Variants in HSD17B6 observed in about 807,000 individuals in gnomAD.
The protein encoded by HSD17B6 is hydroxysteroid 17-beta dehydrogenase 6.
HSD17B6 carries 16 observed loss-of-function variants against 26.4 expected under a neutral mutation model. The observed-to-expected ratio is 0.61, with a 90% CI of 0.41 to 0.92. HSD17B6 has a LOEUF of 0.92. HSD17B6 is among the 40% of genes least tolerant of loss of function. The pLI, the probability that HSD17B6 is intolerant of heterozygous loss-of-function variation, is 0.00. For missense variants in HSD17B6, 357 were observed against 386.1 expected (o/e 0.92, Z 0.63); for synonymous variants, 139 against 153.0 (o/e 0.91, Z 0.68).
At chr12:56,779,287 A>G (rs971139358) in intron 2 of HSD17B6, among the ~76,000 whole-genome samples, 1 of 152,028 alleles carries the variant, frequency 6.6e-6, no homozygotes, top group Non-Finnish European at 1.5e-5. Flanking sequence ...GGTGTGCACC[A>G]CCACACTTAG....
intron 3 of HSD17B6, among the ~76,000 whole-genome samples, chr12:56,784,425 G>A (rs868593101): frequency 6.6e-6 from 1 of 152,210 alleles, no homozygotes; most frequent in African/African-American, 2.4e-5. Context: ...CTGCAATCCC[G>A]GCACCTTGGG....
At chr12:56,766,430 G>T (rs564825488) in intron 1 of HSD17B6, among the ~76,000 whole-genome samples, 1 of 152,136 alleles carries the variant, frequency 6.6e-6, no homozygotes, top group South Asian at 2.1e-4. Flanking sequence ...GAAATGCCCT[G>T]GTTCCCAATC....
At chr12:56,782,585 C>T (rs1243124668) in intron 3 of HSD17B6, among the ~76,000 whole-genome samples, 1 of 152,110 alleles carries the variant, frequency 6.6e-6, no homozygotes, top group African/African-American at 2.4e-5. Context: ...CCTCAACCTC[C>T]TGGGCTCAAA....
At chr12:56,779,261 A>C (rs1954660616) in intron 2 of HSD17B6, among the ~76,000 whole-genome samples, 1 of 152,046 alleles carries the variant, frequency 6.6e-6, no homozygotes, top group African/African-American at 2.4e-5. Context: ...CAGCCTCCTG[A>C]GTATCTAGGA....
At chr12:56,781,511 T>G (rs1954712930) in intron 2 of HSD17B6, among the ~76,000 whole-genome samples, 1 of 152,222 alleles carries the variant, frequency 6.6e-6, no homozygotes, top group Admixed American at 6.5e-5. Flanking sequence ...ATTTAAAAAT[T>G]ATATTTAGCA....
Position 56,769,076 on chromosome 12 carries a change from C to T in HSD17B6, c.-19-4758C>T, listed in dbSNP as rs1954410098. Among the ~76,000 whole-genome samples, 3 of 147,236 alleles carry T rather than the reference C, an allele frequency of 2.0e-5. No homozygotes were observed. The South Asian group carries it at 6.5e-4, about 32-fold the overall frequency. ...GCCCCAAAGATAGGATGGGGCTGTGCAGAGAGGGCAGTTTCAGCTTTTCAA... is the reference window on the plus strand; with the variant it reads ...GCCCCAAAGATAGGATGGGGCTGTGTAGAGAGGGCAGTTTCAGCTTTTCAA... On this transcript the variant is annotated intron_variant, in intron 1 of 4. Coordinates refer to ENST00000322165, the MANE Select transcript of HSD17B6 (RefSeq NM_003725.4).
chr12:56,782,852 C>T (rs1954756373), intron 3 of HSD17B6, among the ~76,000 whole-genome samples: 1 of 151,938 alleles, frequency 6.6e-6, no homozygotes, highest in Non-Finnish European at 1.5e-5. Context: ...TCTTAACGAG[C>T]ATGCTGCCTT....
At chr12:56,779,483 TTTTA>T (rs1182870052) in intron 2 of HSD17B6, among the ~76,000 whole-genome samples, 1 of 152,172 alleles carries the variant, frequency 6.6e-6, no homozygotes, top group Non-Finnish European at 1.5e-5. Flanking sequence ...ATTTTGTGCT[TTTTA>T]TTTGTCCCAT....
In HSD17B6 at chr12:56,787,426, C is replaced by A; in HGVS notation, c.*84C>A. 1.2e-6 allele frequency: 1 copy of A among 835,524 alleles called. No individual in the cohort carries two copies. Among genetic ancestry groups the A allele is most frequent in the South Asian group, 1.7e-5 (1 of 59,266 alleles). 51.8% of individuals were successfully genotyped at this position (835,524 alleles called of 1,614,324 possible). A position where few individuals can be genotyped will look rare whatever the true frequency, so the allele number is the denominator to read the frequency against. On this transcript the variant is annotated 3_prime_UTR_variant, in exon 5 of 5. Transcript: ENST00000322165. ...CAGTAATCCTGATTTAGAACCCAGG[C>A]TTTTTGTAACAATGTGTTTTCTTGC... is the stretch of plus-strand genomic sequence containing the variant.
chr12:56,769,174 C>T (rs1160193595), intron 1 of HSD17B6, among the ~76,000 whole-genome samples: 2 of 148,216 alleles, frequency 1.3e-5, no homozygotes, highest in Non-Finnish European at 1.5e-5. Context: ...GTGATCTTGG[C>T]TTACTGCAAC....
chr12:56,764,272 G>A (rs138576279), intron 1 of HSD17B6, among the ~76,000 whole-genome samples: 23 of 152,192 alleles, frequency 1.5e-4, no homozygotes, highest in African/African-American at 5.1e-4. Flanking sequence ...GCTGACTGGA[G>A]TTTATAGACA....
At chr12:56,779,278 G>A (rs117667223) in intron 2 of HSD17B6, among the ~76,000 whole-genome samples, 249 of 152,070 alleles carry the variant, frequency 1.6e-3, no homozygotes, top group Non-Finnish European at 3.1e-3. Context: ...AGGATTTCAG[G>A]TGTGCACCAC....
intron 1 of HSD17B6, among the ~76,000 whole-genome samples, chr12:56,765,414 G>A (rs1954302360): frequency 6.6e-6 from 1 of 152,042 alleles, no homozygotes; most frequent in South Asian, 2.1e-4. Flanking sequence ...CCAGCCTGGC[G>A]ACAGAGCAAG....
intron 1 of HSD17B6, among the ~76,000 whole-genome samples, chr12:56,771,448 A>ATTTTT (rs35374137): frequency 4.3e-5 from 4 of 93,328 alleles, no homozygotes; most frequent in Non-Finnish European, 8.5e-5. Flanking sequence ...AAGGGTTGCA[A>ATTTTT]TTTTTTTTTT....
Position 56,773,814 on chromosome 12 carries a change from T to G in HSD17B6, c.-19-20T>G, listed in dbSNP as rs760087827. ...GTTAAATAATAAGGAAGGAATAAAA[T>G]GTTTTCTTTCTATTGAAAGAGAAGG... is the stretch of plus-strand genomic sequence containing the variant. On this transcript the variant is annotated intron_variant, in intron 1 of 4. Transcript: ENST00000322165. 2.7e-6 allele frequency: 4 copies of G among 1,508,100 alleles called. No individual in the cohort carries two copies. The Admixed American group carries it at 6.7e-5, about 25-fold the overall frequency. 93.4% of individuals were successfully genotyped at this position (1,508,100 alleles called of 1,614,324 possible).
At chr12:56,769,374 T>C (rs1211431305) in intron 1 of HSD17B6, among the ~76,000 whole-genome samples, 3 of 152,138 alleles carry the variant, frequency 2.0e-5, no homozygotes, top group Non-Finnish European at 2.9e-5. Flanking sequence ...AGTGCTGGGA[T>C]TACAGGCGTG....
chr12:56,775,113 G>A (rs1036472367), intron 2 of HSD17B6, among the ~76,000 whole-genome samples: 1 of 152,214 alleles, frequency 6.6e-6, no homozygotes, highest in African/African-American at 2.4e-5. Context: ...GGCTGGCCTC[G>A]TCATTTGAAG....
chr12:56,777,320 T>A (rs114465000), intron 2 of HSD17B6, among the ~76,000 whole-genome samples: 6,501 of 152,044 alleles, frequency 0.043, 472 homozygotes, highest in African/African-American at 0.15. Flanking sequence ...GGTCTCAGAC[T>A]CCTGGGCTCA....
intron 2 of HSD17B6, among the ~76,000 whole-genome samples, chr12:56,775,577 AT>A (rs1954573851): frequency 6.6e-6 from 1 of 152,156 alleles, no homozygotes; most frequent in Non-Finnish European, 1.5e-5. Flanking sequence ...TCTTAGAGAA[AT>A]TTTAGGTTTA....
Sources: allele counts gnomAD v4.1 joint callset (sites outside exome capture counted in the v4.1 genomes callset), GRCh38; gene constraint gnomAD v4.1.1; transcripts MANE v1.5; gene names NCBI Gene and HGNC (gene_info 2026-07-23, HGNC 2026-07-21).